TOX: variants seen among roughly 807,000 people sequenced by gnomAD.
The protein encoded by TOX is thymocyte selection-associated high mobility group box protein TOX.
Under a neutral mutation model 53.7 loss-of-function variants are expected in TOX, and 11 were observed. The observed-to-expected ratio is 0.20, with a 90% confidence interval of 0.13 to 0.34. TOX has a LOEUF of 0.34. Among genes scored for constraint, TOX ranks in the 10% least tolerant of loss-of-function variants. TOX has a pLI of 1.00. For synonymous variants in TOX, 225 were observed against 245.3 expected, an observed-to-expected ratio of 0.92 and a Z score of 0.77; for missense variants, 570 against 664.6, an observed-to-expected ratio of 0.86 and a Z score of 1.56.
chr8:58,945,410 T>A (rs553138242), intron 2 of TOX, among the ~76,000 whole-genome samples: 8 of 152,196 alleles, frequency 5.3e-5, no homozygotes, highest in Non-Finnish European at 1.2e-4. Flanking sequence ...TGCTTTGGTT[T>A]GATCTGCTTG....
chr8:58,959,722 G>A (rs564222121), intron 2 of TOX, among the ~76,000 whole-genome samples: 2 of 152,320 alleles, frequency 1.3e-5, no homozygotes, highest in African/African-American at 4.8e-5. Context: ...GCTGCCTGAC[G>A]TTCTGGAGAG....
Position 58,939,386 on chromosome 8 carries a change from A to C in TOX, c.327T>G (p.His109Gln), listed in dbSNP as rs745902563. Residue 109 changes from histidine to glutamine, a missense_variant, in exon 3 of 9, where the codon CAT becomes CAG. By Grantham distance (24) the His-to-Gln change is conservative. Around this residue, in one of 3 missense-constraint regions of TOX, gnomAD observed 282 missense variants for 315.0 expected, o/e 0.90. Coordinates refer to ENST00000361421, the MANE Select transcript of TOX (RefSeq NM_014729.3). Reference protein sequence around the residue: ...PMNHNGLLPFHPQNMDLPEIT... With the variant: ...PMNHNGLLPFQPQNMDLPEIT... ...TTTCAGGGAGGTCCATGTTTTGTGG[A>C]TGAAATGGTAGCAGGCCATTATGGT... 80 of 1,614,008 alleles carry C rather than the reference A, an allele frequency of 5.0e-5. No homozygotes were observed. The highest frequency in any genetic ancestry group is 4.2e-6 in the Non-Finnish European group (5 of 1,180,026).
chr8:58,832,831 A>G (rs754859812), intron 5 of TOX, among the ~76,000 whole-genome samples: 4 of 152,236 alleles, frequency 2.6e-5, no homozygotes, highest in Admixed American at 6.5e-5. Context: ...AAACATAGGA[A>G]TAAATACTGA....
At chr8:59,022,353 C>CGACAT (rs2129419501) in intron 1 of TOX, among the ~76,000 whole-genome samples, 2 of 152,192 alleles carry the variant, frequency 1.3e-5, no homozygotes, top group South Asian at 4.1e-4. Context: ...CCAAAGACTC[C>CGACAT]GACATGTTCT....
intron 6 of TOX, among the ~76,000 whole-genome samples, chr8:58,825,108 T>G (rs1810344355): frequency 6.6e-6 from 1 of 152,218 alleles, no homozygotes; most frequent in Admixed American, 6.5e-5. Flanking sequence ...TGATTACATC[T>G]TATGGCAGGA....
At chr8:59,106,379 C>T (rs1804903597) in intron 1 of TOX, among the ~76,000 whole-genome samples, 1 of 152,112 alleles carries the variant, frequency 6.6e-6, no homozygotes, top group African/African-American at 2.4e-5. Context: ...TATGTTCTGG[C>T]AGACTTTTCC....
chr8:58,923,345 G>A (rs1043883794), intron 3 of TOX, among the ~76,000 whole-genome samples: 3 of 152,148 alleles, frequency 2.0e-5, no homozygotes, highest in African/African-American at 7.2e-5. Flanking sequence ...GCATTTCTGT[G>A]GAGACTTGCT....
intron 1 of TOX, among the ~76,000 whole-genome samples, chr8:59,085,014 T>C (rs897599425): frequency 1.3e-5 from 2 of 152,176 alleles, no homozygotes; most frequent in African/African-American, 2.4e-5. Flanking sequence ...TCATGCCAAA[T>C]AATAAGAGAA....
intron 3 of TOX, among the ~76,000 whole-genome samples, chr8:58,876,414 A>G (rs1393966470): frequency 2.6e-5 from 4 of 152,048 alleles, no homozygotes; most frequent in Non-Finnish European, 5.9e-5. Flanking sequence ...GGAATGCACT[A>G]TTTTACGCAT....
At chr8:58,996,668 T>A (rs943967066) in intron 1 of TOX, among the ~76,000 whole-genome samples, 1 of 152,208 alleles carries the variant, frequency 6.6e-6, no homozygotes, top group African/African-American at 2.4e-5. Context: ...GAGCCCTACT[T>A]AGAGAAAAAT....
chr8:59,095,365 T>C (rs1435448211), intron 1 of TOX, among the ~76,000 whole-genome samples: 1 of 152,254 alleles, frequency 6.6e-6, no homozygotes, highest in African/African-American at 2.4e-5. Context: ...ATTGACCTTA[T>C]GTGCATTCAT....
intron 1 of TOX, among the ~76,000 whole-genome samples, chr8:59,002,235 A>G (rs1215409784): frequency 1.4e-5 from 2 of 147,216 alleles, no homozygotes; most frequent in Non-Finnish European, 3.0e-5. Context: ...CGGCCTCCCA[A>G]AGTGCTGGGA....
chr8:58,807,844 T>G, intron 8 of TOX, 61 bp from the exon 9 acceptor site: 1 of 1,596,084 alleles, frequency 6.3e-7, no homozygotes, highest in Non-Finnish European at 8.6e-7. Context: ...CAGGTGACAA[T>G]GGGGGGATGG....
At chr8:59,012,691 A>C (rs1200044731) in intron 1 of TOX, among the ~76,000 whole-genome samples, 2 of 152,220 alleles carry the variant, frequency 1.3e-5, no homozygotes, top group Non-Finnish European at 2.9e-5. Flanking sequence ...TAATTAATAA[A>C]ATAGCACATT....
chr8:58,933,303 T>C lies in TOX; in HGVS notation c.411+5999A>G, dbSNP rs191643757. Among the ~76,000 whole-genome samples the C allele has an allele frequency of 5.6e-4, 85 of 152,288 alleles. 1 individual carries two copies. The highest frequency in any genetic ancestry group is 2.0e-3 in the African/African-American group (82 of 41,566). ...CCATGATTAAGTGCAGCGGTGAATA[T>C]ACCAAAGTGGGGAGAAACAGAAGAG... On this transcript the variant is annotated intron_variant, in intron 3 of 8. Transcript: ENST00000361421.
rs555346378 is a variant in TOX at position 59,108,941 on chromosome 8, C to T, written c.102+9945G>A. On this transcript the variant is annotated intron_variant, in intron 1 of 8. Transcript: ENST00000361421. ...ATTTTCCAGCAAAATGGAAATCCCA[C>T]GTGAATATGTTCTTTGTGTGCAGAA... Among the ~76,000 whole-genome samples, 9 of 152,254 alleles carry T rather than the reference C, an allele frequency of 5.9e-5. No individual in the cohort carries two copies. In the South Asian group the frequency reaches 6.2e-4, roughly 11 times the overall value.
intron 3 of TOX, among the ~76,000 whole-genome samples, chr8:58,897,423 G>C (rs1390719615): frequency 6.6e-6 from 1 of 152,134 alleles, no homozygotes; most frequent in African/African-American, 2.4e-5. Flanking sequence ...ACGTCCAGGA[G>C]GGCATAATCC....
At chr8:58,919,143 C>A (rs1315909595) in intron 3 of TOX, among the ~76,000 whole-genome samples, 2 of 151,540 alleles carry the variant, frequency 1.3e-5, no homozygotes, top group African/African-American at 4.9e-5. Context: ...AGGTAATTTA[C>A]AGATTCAATG....
In TOX at chr8:59,118,541, G is replaced by T. The variant is rs1438461157; in HGVS notation, c.102+345C>A. ...AACTGAATTCTCTTACTCTGCCTCC[G>T]TTCCTGGACCCCAGACACACCCCCA... On this transcript the variant is annotated intron_variant, in intron 1 of 8. Transcript: ENST00000361421. This position sits in a 1 kb window ranked among gnomAD's most constrained non-coding sequence, Gnocchi z 4.1. 1.3e-5 allele frequency among the ~76,000 whole-genome samples: 2 copies of T among 152,104 alleles called. No homozygotes were observed. Among genetic ancestry groups the T allele is most frequent in the East Asian group, 3.9e-4 (2 of 5,176 alleles).
Sources: allele counts gnomAD v4.1 joint callset (sites outside exome capture counted in the v4.1 genomes callset), GRCh38; gene constraint gnomAD v4.1.1; regional missense constraint gnomAD v4.1.1; non-coding constraint Gnocchi (gnomAD v3.1); transcripts MANE v1.5; gene names NCBI Gene and HGNC (gene_info 2026-07-23, HGNC 2026-07-21).